The following KCNIP4 variants were observed in gnomAD, a reference collection of about 807,000 sequenced individuals.
The protein encoded by KCNIP4 is potassium voltage-gated channel interacting protein 4.
In KCNIP4, 12 loss-of-function variants were observed where a neutral mutation model predicts 34.0. The observed-to-expected ratio is 0.35, with a 90% CI of 0.23 to 0.57. The LOEUF is 0.57. Among genes scored for constraint, KCNIP4 ranks in the 20% least tolerant of loss-of-function variants. The pLI is 0.83. For synonymous variants in KCNIP4, 124 were observed against 102.2 expected (o/e 1.21, Z -1.29); for missense variants, 238 against 311.7 (o/e 0.76, Z 1.78).
intron 1 of KCNIP4, among the ~76,000 whole-genome samples, chr4:21,086,722 T>C (rs4599408): frequency 0.21 from 31,985 of 152,074 alleles, 3,538 homozygotes; most frequent in African/African-American, 0.25. Flanking sequence ...GCTATAGATC[T>C]TCTTTTTTCT....
intron 1 of KCNIP4, among the ~76,000 whole-genome samples, chr4:21,673,201 T>G (rs893247220): frequency 6.6e-6 from 1 of 152,162 alleles, no homozygotes; most frequent in African/African-American, 2.4e-5. Flanking sequence ...ATAAAGTGCT[T>G]TTCACAAATA....
chr4:21,516,893 G>A (rs1734812200), intron 1 of KCNIP4, among the ~76,000 whole-genome samples: 1 of 152,166 alleles, frequency 6.6e-6, no homozygotes, highest in African/African-American at 2.4e-5. Context: ...TCTGGGAAGA[G>A]TTTGGAAACA....
chr4:21,527,643 A>G (rs970250442), intron 1 of KCNIP4, among the ~76,000 whole-genome samples: 2 of 152,212 alleles, frequency 1.3e-5, no homozygotes, highest in Non-Finnish European at 2.9e-5. Flanking sequence ...TGACTCTTAC[A>G]TTGTAGCTGT....
intron 1 of KCNIP4, among the ~76,000 whole-genome samples, chr4:21,494,688 G>A (rs192391967): frequency 6.0e-5 from 9 of 151,146 alleles, no homozygotes; most frequent in African/African-American, 1.2e-4. Flanking sequence ...CAAGAGAATC[G>A]CTTGAACCTG....
intron 1 of KCNIP4, among the ~76,000 whole-genome samples, chr4:21,506,038 G>A (rs1430790507): frequency 6.6e-6 from 1 of 152,192 alleles, no homozygotes; most frequent in African/African-American, 2.4e-5. Flanking sequence ...GGGAGGCAGA[G>A]GTTGCAGTGA....
intron 1 of KCNIP4, among the ~76,000 whole-genome samples, chr4:21,624,322 T>C (rs991855101): frequency 6.6e-6 from 1 of 152,186 alleles, no homozygotes; most frequent in Non-Finnish European, 1.5e-5. Flanking sequence ...CTATTGTTTT[T>C]TCCATTTACA....
At chr4:21,340,294 A>G (rs2109345363) in intron 1 of KCNIP4, among the ~76,000 whole-genome samples, 1 of 152,222 alleles carries the variant, frequency 6.6e-6, no homozygotes, top group African/African-American at 2.4e-5. Flanking sequence ...TTTCAAATGA[A>G]TTCCTACTCA....
intron 1 of KCNIP4, among the ~76,000 whole-genome samples, chr4:21,616,925 G>A (rs151165072): frequency 6.2e-4 from 95 of 152,110 alleles, no homozygotes; most frequent in African/African-American, 2.1e-3. Flanking sequence ...TATCTTTTTA[G>A]AGAACAAAAT....
chr4:21,854,845 C>T (rs1203221695), intron 1 of KCNIP4, among the ~76,000 whole-genome samples: 1 of 152,142 alleles, frequency 6.6e-6, no homozygotes, highest in Admixed American at 6.5e-5. Context: ...GCTAATACAA[C>T]ATTTGTTCTA....
intron 1 of KCNIP4, among the ~76,000 whole-genome samples, chr4:21,827,726 G>GA (rs1360325867): frequency 3.3e-5 from 5 of 151,888 alleles, no homozygotes; most frequent in Non-Finnish European, 5.9e-5. Flanking sequence ...ACTTGGTTAA[G>GA]AAAAAATAAA....
intron 1 of KCNIP4, among the ~76,000 whole-genome samples, chr4:21,548,103 T>C (rs1738282801): frequency 6.6e-6 from 1 of 152,122 alleles, no homozygotes; most frequent in South Asian, 2.1e-4. Flanking sequence ...GTTAATGCAG[T>C]GAAAACATAA....
At chr4:21,087,146 ATGTGTGTGTGTGTGTGTGTG>A (rs34874556) in intron 1 of KCNIP4, among the ~76,000 whole-genome samples, 1 of 110,924 alleles carries the variant, frequency 9.0e-6, no homozygotes, top group Non-Finnish European at 1.8e-5. Context: ...CTGCTGGGTA[ATGTGTGTGTGTGTGTGTGTG>A]TGTGTGTGTG....
chr4:21,931,678 T>C (rs1051451415), intron 1 of KCNIP4, among the ~76,000 whole-genome samples: 4 of 152,128 alleles, frequency 2.6e-5, no homozygotes, highest in African/African-American at 4.8e-5. Flanking sequence ...CAGTCTATCA[T>C]TGTTGGGCAT....
chr4:21,308,742 C>T (rs973789448), intron 1 of KCNIP4, among the ~76,000 whole-genome samples: 1 of 146,438 alleles, frequency 6.8e-6, no homozygotes, highest in Non-Finnish European at 1.5e-5. Context: ...GTGTGTGTAG[C>T]AGATAAGTAT....
intron 3 of KCNIP4, among the ~76,000 whole-genome samples, chr4:20,808,991 C>T (rs895041941): frequency 3.3e-5 from 5 of 152,274 alleles, no homozygotes; most frequent in Admixed American, 2.6e-4. Flanking sequence ...GATTAGGAAC[C>T]ATCATTCTTT....
intron 1 of KCNIP4, among the ~76,000 whole-genome samples, chr4:21,724,553 A>G (rs1245510256): frequency 3.2e-4 from 46 of 145,878 alleles, no homozygotes; most frequent in Non-Finnish European, 4.3e-4. Context: ...ATCACTTTAC[A>G]TAGGCTCAGT....
chr4:21,020,204 T>C (rs764693167), intron 1 of KCNIP4, among the ~76,000 whole-genome samples: 4 of 152,188 alleles, frequency 2.6e-5, no homozygotes, highest in African/African-American at 4.8e-5. Context: ...ACTGCTTCTA[T>C]GTCCTTGACT....
rs542558416 is a variant in KCNIP4, at chr4:21,413,843, C to T, written c.62-531134G>A. Among the ~76,000 whole-genome samples the T allele has an allele frequency of 2.0e-5, 3 of 152,348 alleles. No individual in the cohort carries two copies. In the South Asian group the frequency reaches 6.2e-4, roughly 32 times the overall value. ...GTCTGAACTGTTGTATTGCAGTCTG[C>T]AGCAGTTCAACCTATTTATCACAGG... is the stretch of plus-strand genomic sequence containing the variant. On this transcript the variant is annotated intron_variant, in intron 1 of 8. Transcript: ENST00000382152.
chr4:21,308,966 C>T (rs1712812098), intron 1 of KCNIP4, among the ~76,000 whole-genome samples: 1 of 65,038 alleles, frequency 1.5e-5, no homozygotes, highest in Non-Finnish European at 2.6e-5. Flanking sequence ...GAAAAATGAA[C>T]GTGCTTAGAG....
Sources: allele counts gnomAD v4.1 joint callset (sites outside exome capture counted in the v4.1 genomes callset), GRCh38; gene constraint gnomAD v4.1.1; transcripts MANE v1.5; gene names NCBI Gene and HGNC (gene_info 2026-07-23, HGNC 2026-07-21).